Variants in SMAD3 observed in about 807,000 individuals in gnomAD.
SMAD3 encodes MAD homolog 3.
A neutral mutation model predicts 51.8 loss-of-function variants in SMAD3; 12 were observed. The ratio of observed to expected loss-of-function variants is 0.23; its 90% CI spans 0.15 to 0.38. SMAD3 has a LOEUF of 0.38. Ranked by LOEUF, SMAD3 falls within the 10% of genes least tolerant of loss-of-function variation. The pLI is 1.00. For missense variants in SMAD3, 294 were observed against 565.6 expected, an observed-to-expected ratio of 0.52 and a Z score of 4.87; for synonymous variants, 238 against 227.7, an observed-to-expected ratio of 1.05 and a Z score of -0.41.
Position 67,165,525 on chromosome 15 carries a change from C to T in SMAD3, c.532+141C>T, listed in dbSNP as rs533801191. 3.9e-6 allele frequency: 4 copies of T among 1,015,104 alleles called. No homozygotes were observed. In the East Asian group the frequency reaches 1.0e-4, roughly 25 times the overall value. 62.9% of individuals were successfully genotyped at this position (1,015,104 alleles called of 1,614,324 possible). ...GCGCACAGCTCTGGCCTGAGGGCCC[C>T]TGACTCAGAACCGCATCCCTGTTGG... On this transcript the variant is annotated intron_variant, in intron 3 of 8. Coordinates refer to ENST00000327367, the MANE Select transcript of SMAD3 (RefSeq NM_005902.4).
intron 1 of SMAD3, among the ~76,000 whole-genome samples, chr15:67,113,114 T>C (rs1816666): frequency 0.95 from 105,687 of 111,304 alleles, 51,620 homozygotes; most frequent in East Asian, 1. Context: ...GACAGAGTCT[T>C]GCTCTGTCAC....
chr15:67,068,313 C>T (rs922226597), intron 1 of SMAD3, among the ~76,000 whole-genome samples: 2 of 152,214 alleles, frequency 1.3e-5, no homozygotes, highest in African/African-American at 4.8e-5. Context: ...ACATTCTTTG[C>T]TGAATGCTAA....
chr15:67,170,680 G>A (rs1156566273), intron 5 of SMAD3, 76 bp downstream of exon 5: 1 of 1,310,686 alleles, frequency 7.6e-7, no homozygotes, highest in Non-Finnish European at 1.1e-6. Flanking sequence ...TGGGGAGGGG[G>A]CCCTGAAGGT....
At chr15:67,124,205 T>C (rs1595913246) in intron 1 of SMAD3, among the ~76,000 whole-genome samples, 1 of 152,170 alleles carries the variant, frequency 6.6e-6, no homozygotes, top group African/African-American at 2.4e-5. Context: ...GGCAGGCTGG[T>C]CTTGAACTCC....
chr15:67,126,259 A>T (rs1429971054), intron 1 of SMAD3, among the ~76,000 whole-genome samples: 1 of 152,050 alleles, frequency 6.6e-6, no homozygotes, highest in Admixed American at 6.5e-5. Context: ...CTGTTTACAG[A>T]TGAGGAGATT....
chr15:67,115,542 G>A (rs1253963314), intron 1 of SMAD3, among the ~76,000 whole-genome samples: 2 of 151,996 alleles, frequency 1.3e-5, no homozygotes, highest in Non-Finnish European at 2.9e-5. Context: ...CAAGAAAAAG[G>A]CATGGCCCCC....
intron 1 of SMAD3, among the ~76,000 whole-genome samples, chr15:67,080,223 A>T (rs60670393): frequency 0.015 from 2,239 of 152,310 alleles, 51 homozygotes; most frequent in African/African-American, 0.051. Context: ...TGCTATTCTA[A>T]GTGAAAGGAC....
chr15:67,085,460 T>G (rs1246119520), intron 1 of SMAD3, among the ~76,000 whole-genome samples: 1 of 152,238 alleles, frequency 6.6e-6, no homozygotes, highest in Non-Finnish European at 1.5e-5. Flanking sequence ...ATGACTCTAT[T>G]ACTCATTTGA....
At position 67,192,643 on chromosome 15, in the gene SMAD3, A is replaced by G; in HGVS notation, c.*2107A>G. 1 of 233,294 alleles carries G rather than the reference A, an allele frequency of 4.3e-6. No individual in the cohort carries two copies. Among genetic ancestry groups the G allele is most frequent in the Non-Finnish European group, 8.5e-6 (1 of 117,996 alleles). 14.5% of individuals were successfully genotyped at this position (233,294 alleles called of 1,614,324 possible). A position where few individuals can be genotyped will look rare whatever the true frequency, so the allele number is the denominator to read the frequency against. On this transcript the variant is annotated 3_prime_UTR_variant, in exon 9 of 9. Coordinates refer to ENST00000327367, the MANE Select transcript of SMAD3 (RefSeq NM_005902.4). Reference sequence around the variant, plus strand: ...GCCTGCATGATCCACCTGCTGCACGATCCTATGAGGGCTTCCTGTGGCACA... The same window carrying G: ...GCCTGCATGATCCACCTGCTGCACGGTCCTATGAGGGCTTCCTGTGGCACA...
At chr15:67,079,040 G>A (rs28424190) in intron 1 of SMAD3, among the ~76,000 whole-genome samples, 7,838 of 151,806 alleles carry the variant, frequency 0.052, 225 homozygotes, top group East Asian at 0.1. Flanking sequence ...GTGCAAAGGC[G>A]TGATCTTGGC....
chr15:67,172,279 C>A (rs1962774452), intron 5 of SMAD3, among the ~76,000 whole-genome samples: 1 of 152,248 alleles, frequency 6.6e-6, no homozygotes, highest in Non-Finnish European at 1.5e-5. Flanking sequence ...AAGGGAGGAC[C>A]CTCCCCGAGC....
intron 1 of SMAD3, among the ~76,000 whole-genome samples, chr15:67,086,048 A>G (rs1960385666): frequency 6.6e-6 from 1 of 150,380 alleles, no homozygotes; most frequent in Non-Finnish European, 1.5e-5. Context: ...TAGTGAAACC[A>G]TCTGTAGTTG....
chr15:67,119,606 C>G (rs1209855219), intron 1 of SMAD3, among the ~76,000 whole-genome samples: 1 of 152,014 alleles, frequency 6.6e-6, no homozygotes, highest in Admixed American at 6.6e-5. Flanking sequence ...TCAGACTTGC[C>G]AAAGACATTC....
At chr15:67,182,996 A>ATATAT (rs1429510155) in intron 6 of SMAD3, among the ~76,000 whole-genome samples, 13 of 55,336 alleles carry the variant, frequency 2.3e-4, no homozygotes, top group African/African-American at 8.2e-4. Context: ...TAAAAAAAAA[A>ATATAT]AAAAATATAT....
chr15:67,101,738 C>G (rs571198212), intron 1 of SMAD3, among the ~76,000 whole-genome samples: 1 of 152,278 alleles, frequency 6.6e-6, no homozygotes, highest in East Asian at 1.9e-4. Flanking sequence ...GGAAAGTGAC[C>G]TAAAGGTTGT....
chr15:67,195,045 T>TAA lies in SMAD3; in HGVS notation c.*4510_*4511dup, dbSNP rs1264781998. On this transcript the variant is annotated 3_prime_UTR_variant, in exon 9 of 9. Transcript: ENST00000327367. ...GTATTTATAGTGTTTTAGATTTTTC[T>TAA]AACTTTTATATCTTAAAAGCAGAGC... The TAA allele has an allele frequency of 4.3e-6, 1 of 233,612 alleles. No individual in the cohort carries two copies. Among genetic ancestry groups the TAA allele is most frequent in the South Asian group, 1.8e-4 (1 of 5,536 alleles). The allele number at this position is 233,612 out of a possible 1,614,324, so 14.5% of individuals were successfully genotyped here.
intron 7 of SMAD3, among the ~76,000 whole-genome samples, chr15:67,186,313 C>T (rs973320154): frequency 3.9e-5 from 6 of 152,214 alleles, no homozygotes; most frequent in Non-Finnish European, 8.8e-5. Context: ...AGCTCAGTGA[C>T]GCTCTTGGCC....
At chr15:67,187,328 T>G in intron 7 of SMAD3, 37 bp from the exon 8 acceptor site, 1 of 1,614,072 alleles carries the variant, frequency 6.2e-7, no homozygotes, top group Non-Finnish European at 8.5e-7. Context: ...ACCTGGCCAC[T>G]TCCATCCCCA....
intron 8 of SMAD3, 45 bp downstream of exon 8, chr15:67,187,554 G>A (rs774270140): frequency 6.2e-7 from 1 of 1,609,940 alleles, no homozygotes; most frequent in Non-Finnish European, 8.5e-7. Flanking sequence ...AACTCCAGGT[G>A]ACTCTGGACA....
Sources: gnomAD v4.1 joint callset for allele counts (sites outside exome capture counted in the v4.1 genomes callset) on GRCh38, gnomAD v4.1.1 for gene constraint, MANE v1.5 for transcripts, NCBI Gene and HGNC (gene_info 2026-07-23, HGNC 2026-07-21) for gene names.